Variants in ZP4 observed in about 807,000 individuals in gnomAD.
ZP4 encodes the protein zona pellucida glycoprotein 4.
In ZP4, 62 loss-of-function variants were observed where a neutral mutation model predicts 62.3. That is an observed-to-expected ratio of 0.99 (90% CI 0.81 to 1.23). The LOEUF (loss-of-function observed/expected upper bound fraction) is 1.23. Ranked by LOEUF, ZP4 falls within the 50% of genes most tolerant of loss-of-function variation. The pLI is 0.00. For synonymous variants in ZP4, 289 were observed against 247.3 expected (o/e 1.17, Z -1.58); for missense variants, 774 against 656.0 (o/e 1.18, Z -1.97).
chr1:237,887,668 G>T, intron 4 of ZP4, 107 bp from the exon 5 acceptor site: 2 of 1,193,894 alleles, frequency 1.7e-6, no homozygotes. Flanking sequence ...AGAAGCTGGT[G>T]ACAACTTCCC....
At chr1:237,883,997 C>A (rs1178285459) in intron 10 of ZP4, among the ~76,000 whole-genome samples, 3,672 of 98,048 alleles carry the variant, frequency 0.037, 118 homozygotes, top group African/African-American at 0.076. Context: ...CACACACACA[C>A]ACACACACAC....
chr1:237,889,286 G>C (rs1665180637), intron 3 of ZP4, among the ~76,000 whole-genome samples: 1 of 151,726 alleles, frequency 6.6e-6, no homozygotes, highest in Admixed American at 6.6e-5. Flanking sequence ...TAGGCCCTTG[G>C]GAAAACTTCC....
chr1:237,890,233 G>A lies in ZP4; in HGVS notation c.176-57C>T, dbSNP rs571596091. 43 of 1,610,642 alleles carry A rather than the reference G, an allele frequency of 2.7e-5. No homozygotes were observed. The Middle Eastern group carries it at 5.6e-4, about 21-fold the overall frequency. On this transcript the variant is annotated intron_variant, in intron 1 of 11. Transcript: ENST00000366570. ...AGCGGTCAGTCTCCAGTGCCAGAAA[G>A]GATAGTCAGCCTTGCCATTAGACCC...
chr1:237,885,835 A>G lies in ZP4; in HGVS notation c.891T>C (p.Asn297=), dbSNP rs373246072. ...YSVSSNSLPI[N]VQVFTLPPPF... is the part of the protein sequence containing the mutation. ...GTGGTGGGAGAGTGAAAACCTGGAC[A>G]TTGATTGGGAGAGAGTTGCTACTTA... Residue 297 remains asparagine (N), a synonymous_variant, in exon 7 of 12, where the codon AAT becomes AAC. Coordinates refer to ENST00000366570, the MANE Select transcript of ZP4 (RefSeq NM_021186.5). 299 of 1,614,026 alleles carry G rather than the reference A, an allele frequency of 1.9e-4. 1 individual carries two copies. The highest frequency in any genetic ancestry group is 5.8e-4 in the Admixed American group (35 of 59,998).
intron 10 of ZP4, among the ~76,000 whole-genome samples, 196 bp downstream of exon 10, chr1:237,884,573 C>T (rs12067839): frequency 0.018 from 2,740 of 152,214 alleles, 74 homozygotes; most frequent in African/African-American, 0.058. Context: ...GAGGGTTACC[C>T]GAACATTTAT....
At position 237,890,891 on chromosome 1, in the gene ZP4, T is replaced by G. The variant is rs1054852651; in HGVS notation, c.-256A>C. On this transcript the variant is annotated 5_prime_UTR_variant, in exon 1 of 12. Transcript: ENST00000366570. ...CAGAGCCCAAGAAAAATGTAGTAACTTTTAGCTAACAGAAAGGAAGGAAAG... is the reference window on the plus strand; with the variant it reads ...CAGAGCCCAAGAAAAATGTAGTAACGTTTAGCTAACAGAAAGGAAGGAAAG... 3 of 365,776 alleles carry G rather than the reference T, an allele frequency of 8.2e-6. No individual in the cohort carries two copies. The highest frequency in any genetic ancestry group is 1.5e-5 in the Non-Finnish European group (3 of 204,698). The allele number at this position is 365,776 out of a possible 1,614,324, so 22.7% of individuals were successfully genotyped here.
chr1:237,889,547 A>G (rs1354984177), intron 3 of ZP4, among the ~76,000 whole-genome samples: 2 of 151,868 alleles, frequency 1.3e-5, no homozygotes, highest in East Asian at 3.9e-4. Context: ...CCAACTCCCG[A>G]CCTGATCCAC....
chr1:237,884,003 C>CACACACACAA lies in ZP4; in HGVS notation c.1390+765_1390+766insTTGTGTGTGT, dbSNP rs1665021189. 1.2e-4 allele frequency among the ~76,000 whole-genome samples: 11 copies of CACACACACAA among 92,434 alleles called. 1 individual carries two copies. The highest frequency in any genetic ancestry group is 0.011 in the Middle Eastern group (2 of 174). The allele number at this position is 92,434 out of a possible 152,430, so 60.6% of individuals were successfully genotyped here. A position where few individuals can be genotyped will look rare whatever the true frequency, so the allele number is the denominator to read the frequency against. On this transcript the variant is annotated intron_variant, in intron 10 of 11. Transcript: ENST00000366570. Reference sequence around the variant, plus strand: ...ACACAAACACACACACACACACACACACACACACACACAAACACACACACA... The same window carrying CACACACACAA: ...ACACAAACACACACACACACACACACACACACACAAACACACACACACAAACACACACACA...
intron 5 of ZP4, 83 bp from the exon 6 acceptor site, chr1:237,886,951 T>C: frequency 8.5e-7 from 1 of 1,179,182 alleles, no homozygotes; most frequent in Non-Finnish European, 1.3e-6. Flanking sequence ...CCCTCAGCAA[T>C]GCTACCCTGT....
intron 10 of ZP4, among the ~76,000 whole-genome samples, chr1:237,883,957 C>CACAA (rs1491169606): frequency 9.4e-6 from 1 of 106,444 alleles, no homozygotes; most frequent in Non-Finnish European, 1.8e-5. Context: ...AAGAACTGGT[C>CACAA]ACACACACAA....
At chr1:237,884,005 CACACACACACAA>C (rs1444254952) in intron 10 of ZP4, among the ~76,000 whole-genome samples, 3,157 of 95,348 alleles carry the variant, frequency 0.033, 141 homozygotes, top group Admixed American at 0.071. Flanking sequence ...CACACACACA[CACACACACACAA>C]ACACACACAC....
At chr1:237,886,978 T>C in intron 5 of ZP4, 110 bp from the exon 6 acceptor site, 1 of 934,262 alleles carries the variant, frequency 1.1e-6, no homozygotes, top group Non-Finnish European at 1.7e-6. Flanking sequence ...GTATATTTCC[T>C]ATTACTTCAG....
intron 11 of ZP4, 64 bp downstream of exon 11, chr1:237,882,678 G>A: frequency 2.5e-6 from 4 of 1,593,970 alleles, no homozygotes; most frequent in Non-Finnish European, 3.4e-6. Context: ...GGATAGAAAG[G>A]AGGAAGTTGC....
chr1:237,884,655 G>A, intron 10 of ZP4, 114 bp downstream of exon 10: 5 of 934,262 alleles, frequency 5.4e-6, no homozygotes, highest in Non-Finnish European at 8.2e-6. Flanking sequence ...AGTACTTAGA[G>A]AAGCCTTAGT....
At chr1:237,886,994 G>T (rs1039529465) in intron 5 of ZP4, 126 bp from the exon 6 acceptor site, 2 of 813,680 alleles carry the variant, frequency 2.5e-6, no homozygotes, top group South Asian at 1.7e-5. Flanking sequence ...TTCAGCAGAG[G>T]TAAGAACACA....
chr1:237,884,748 T>TCTA, intron 10 of ZP4, 21 bp downstream of exon 10: 1 of 1,609,944 alleles, frequency 6.2e-7, no homozygotes, highest in Non-Finnish European at 8.5e-7. Context: ...AAATCTGTCC[T>TCTA]CTAACAGCTT....
In ZP4 at chr1:237,885,748, G is replaced by A. The variant is rs374756257; in HGVS notation, c.970+8C>T. On this transcript the variant is annotated splice_region_variant and intron_variant, in intron 7 of 11. Transcript: ENST00000366570. Reference sequence around the variant, plus strand: ...ATAGGCCAGATACTCCAGCCAAGGGGGTCATACCTTTGGCAATCTGAAGTT... The same window carrying A: ...ATAGGCCAGATACTCCAGCCAAGGGAGTCATACCTTTGGCAATCTGAAGTT... 3.1e-5 allele frequency: 50 copies of A among 1,613,850 alleles called. No individual in the cohort carries two copies. The highest frequency in any genetic ancestry group is 3.9e-5 in the Non-Finnish European group (46 of 1,179,958).
chr1:237,889,507 G>A (rs948081888), intron 3 of ZP4, among the ~76,000 whole-genome samples: 1 of 151,846 alleles, frequency 6.6e-6, no homozygotes, highest in African/African-American at 2.4e-5. Flanking sequence ...TAGTAGAGAT[G>A]GGGTTTCTCC....
At position 237,884,051 on chromosome 1, in the gene ZP4, CAA is replaced by C. The variant is rs1491238283; in HGVS notation, c.1390+716_1390+717del. The stretch of plus-strand genomic sequence containing the variant: ...ACACACAAACACACACAAACACACA[CAA>C]ACACACACAAACACACACAAACACA... On this transcript the variant is annotated intron_variant, in intron 10 of 11. Transcript: ENST00000366570. Among the ~76,000 whole-genome samples, 452 of 135,718 alleles carry C rather than the reference CAA, an allele frequency of 3.3e-3. 8 individuals carry two copies. The highest frequency in any genetic ancestry group is 0.013 in the African/African-American group (392 of 29,128). The allele number at this position is 135,718 out of a possible 152,430, so 89.0% of individuals were successfully genotyped here. A position where few individuals can be genotyped will look rare whatever the true frequency, so the allele number is the denominator to read the frequency against.
Sources: allele counts gnomAD v4.1 joint callset (sites outside exome capture counted in the v4.1 genomes callset), GRCh38; gene constraint gnomAD v4.1.1; transcripts MANE v1.5; gene names NCBI Gene and HGNC (gene_info 2026-07-23, HGNC 2026-07-21).